Variants in TMED5 observed in about 807,000 individuals in gnomAD.
TMED5 encodes the protein transmembrane p24 trafficking protein 5, also known as transmembrane emp24 domain-containing protein 5.
In TMED5, 27 loss-of-function variants were observed where a neutral mutation model predicts 23.0. That is an observed-to-expected ratio of 1.17 (90% confidence interval 0.86 to 1.62). TMED5 has a LOEUF of 1.62. Among genes scored for constraint, TMED5 ranks in the 40% most tolerant of loss-of-function variants. TMED5 has a pLI of 0.00. For missense variants in TMED5, 248 were observed against 273.7 expected, an observed-to-expected ratio of 0.91 and a Z score of 0.66; for synonymous variants, 97 against 100.8, an observed-to-expected ratio of 0.96 and a Z score of 0.23.
rs772462043 is a variant in TMED5, at chr1:93,154,755, T to G, written c.605A>C (p.Asn202Thr). ...FDRVNFWSMV[N>T]LVVMVVVSAI... Reference sequence around the variant, plus strand: ...TGACACCACCACCATGACCACTAAATTAACCATAGACCAGAAATTGACTCT... The same window carrying G: ...TGACACCACCACCATGACCACTAAAGTAACCATAGACCAGAAATTGACTCT... The change falls in exon 4 of 4, where the codon AAT (asparagine) becomes ACT (threonine). Residue 202 changes from asparagine (N) to threonine (T), a missense_variant. Coordinates refer to ENST00000370282, the MANE Select transcript of TMED5 (RefSeq NM_016040.5). 6.2e-7 allele frequency: 1 copy of G among 1,614,140 alleles called. No homozygotes were observed. Among genetic ancestry groups the G allele is most frequent in the Non-Finnish European group, 8.5e-7 (1 of 1,179,994 alleles).
At chr1:93,174,992 C>T (rs1250999219) in intron 1 of TMED5, among the ~76,000 whole-genome samples, 9 of 149,106 alleles carry the variant, frequency 6.0e-5, no homozygotes, top group Non-Finnish European at 1.5e-5. Context: ...TTATATTCCT[C>T]TGGGTGTGTA....
chr1:93,154,851 C>A lies in TMED5; in HGVS notation c.509G>T (p.Ser170Ile). ...TCTAAGCAGAGTTTGTATGTGCCCA[C>A]TTTTGCTTAGTCTGGACTTGATGCT... is the stretch of plus-strand genomic sequence containing the variant. ...INSIKSRLSKSGHIQTLLRAF... is the reference protein window; with the variant it reads ...INSIKSRLSKIGHIQTLLRAF... Residue 170 changes from serine to isoleucine, a missense_variant, in exon 4 of 4, where the codon AGT becomes ATT. By Grantham distance (142) the Ser-to-Ile change is moderately radical. Coordinates refer to ENST00000370282, the MANE Select transcript of TMED5 (RefSeq NM_016040.5). The A allele has an allele frequency of 6.2e-7, 1 of 1,613,850 alleles. No homozygotes were observed. The highest frequency in any genetic ancestry group is 1.1e-5 in the South Asian group (1 of 91,066).
intron 1 of TMED5, among the ~76,000 whole-genome samples, chr1:93,175,892 G>A (rs1319198760): frequency 1.3e-5 from 2 of 152,044 alleles, no homozygotes; most frequent in African/African-American, 4.8e-5. Flanking sequence ...TTTTTTGAGT[G>A]CTTATTTGGT....
chr1:93,152,087 T>C lies in TMED5; in HGVS notation c.*2583A>G, dbSNP rs189783057. On this transcript the variant is annotated 3_prime_UTR_variant, in exon 4 of 4. Transcript: ENST00000370282. ...TTTTGTCAATTTTAAGACACCATTA[T>C]GTGTAAGAAGGATTAATTTTACCAT... 205 of 152,756 alleles carry C rather than the reference T, an allele frequency of 1.3e-3. 1 individual carries two copies. The Middle Eastern group carries it at 0.017, about 13-fold the overall frequency. The allele number at this position is 152,756 out of a possible 1,614,324, so 9.5% of individuals were successfully genotyped here.
chr1:93,155,551 T>TC (rs1648043455), intron 3 of TMED5, among the ~76,000 whole-genome samples: 1 of 139,738 alleles, frequency 7.2e-6, no homozygotes, highest in Non-Finnish European at 1.5e-5. Flanking sequence ...TTTTTTTTTT[T>TC]TGTCGGGGGA....
Position 93,153,189 on chromosome 1 carries a change from T to C in TMED5, c.*1481A>G, listed in dbSNP as rs1350766339. ...TAACTTAAAAATTATAGTTCATTCA[T>C]GATGAAGTTAAATTACTAGTACTTG... On this transcript the variant is annotated 3_prime_UTR_variant, in exon 4 of 4. Transcript: ENST00000370282. 6.6e-6 allele frequency: 1 copy of C among 152,560 alleles called. No homozygotes were observed. Among genetic ancestry groups the C allele is most frequent in the Admixed American group, 6.5e-5 (1 of 15,274 alleles). 9.5% of individuals were successfully genotyped at this position (152,560 alleles called of 1,614,324 possible).
intron 1 of TMED5, among the ~76,000 whole-genome samples, chr1:93,175,250 CAT>C (rs1158955730): frequency 1.4e-5 from 2 of 140,506 alleles, no homozygotes; most frequent in Non-Finnish European, 3.0e-5. Context: ...TATCTTGGCA[CAT>C]GTTGTGCCTT....
At chr1:93,165,361 AATAG>A (rs1345658220) in intron 1 of TMED5, among the ~76,000 whole-genome samples, 4 of 152,214 alleles carry the variant, frequency 2.6e-5, no homozygotes, top group Non-Finnish European at 5.9e-5. Flanking sequence ...TAATCTAATA[AATAG>A]ATCATTGTTC....
chr1:93,161,934 T>C (rs1227171975), intron 1 of TMED5: 2 of 152,236 alleles, frequency 1.3e-5, no homozygotes, highest in African/African-American at 4.8e-5. Flanking sequence ...TGCATCTTTT[T>C]ATCATCCTAT....
chr1:93,159,485 T>C (rs901250914), intron 2 of TMED5, among the ~76,000 whole-genome samples: 2 of 151,850 alleles, frequency 1.3e-5, no homozygotes, highest in Admixed American at 1.3e-4. Flanking sequence ...AGTAAGATAA[T>C]AGAATGGAAC....
intron 1 of TMED5, among the ~76,000 whole-genome samples, chr1:93,176,080 G>A (rs1648900639): frequency 6.6e-6 from 1 of 152,098 alleles, no homozygotes; most frequent in Non-Finnish European, 1.5e-5. Flanking sequence ...ACTATTCAGT[G>A]GCGTATTACT....
At chr1:93,178,246 T>C (rs940007077) in intron 1 of TMED5, among the ~76,000 whole-genome samples, 12 of 152,212 alleles carry the variant, frequency 7.9e-5, no homozygotes, top group Non-Finnish European at 1.5e-5. Context: ...AGACTTTATA[T>C]GTCTTAAAGT....
chr1:93,171,070 C>T (rs1343153100), intron 1 of TMED5, among the ~76,000 whole-genome samples: 1 of 152,182 alleles, frequency 6.6e-6, no homozygotes, highest in African/African-American at 2.4e-5. Flanking sequence ...AATCTTGCTG[C>T]TGCTCACTCT....
At chr1:93,157,236 G>A (rs1648105472) in intron 2 of TMED5, among the ~76,000 whole-genome samples, 1 of 152,034 alleles carries the variant, frequency 6.6e-6, no homozygotes, top group Admixed American at 6.6e-5. Context: ...CCTATTAACT[G>A]CCACTGGCTC....
intron 3 of TMED5, chr1:93,156,013 GC>G: frequency 7.6e-7 from 1 of 1,313,950 alleles, no homozygotes; most frequent in Non-Finnish European, 1.0e-6. Context: ...AATTCTAACT[GC>G]ACATTTATAA....
At chr1:93,159,094 A>G (rs1648178896) in intron 2 of TMED5, among the ~76,000 whole-genome samples, 1 of 152,128 alleles carries the variant, frequency 6.6e-6, no homozygotes, top group Admixed American at 6.5e-5. Context: ...ACATGTATTC[A>G]GTGTTTACTG....
At chr1:93,162,118 T>G (rs1021997363) in intron 1 of TMED5, 2 of 151,514 alleles carry the variant, frequency 1.3e-5, no homozygotes, top group Non-Finnish European at 1.5e-5. Context: ...AAAAAAAACC[T>G]AACTCAATGG....
chr1:93,165,344 A>G (rs1215690496), intron 1 of TMED5, among the ~76,000 whole-genome samples: 1 of 152,212 alleles, frequency 6.6e-6, no homozygotes, highest in African/African-American at 2.4e-5. Flanking sequence ...ACAATCTTTT[A>G]TTTTTTTAAT....
At chr1:93,171,326 C>T (rs1449824601) in intron 1 of TMED5, among the ~76,000 whole-genome samples, 1 of 152,218 alleles carries the variant, frequency 6.6e-6, no homozygotes, top group Non-Finnish European at 1.5e-5. Context: ...TCCGGACACG[C>T]TGCCTTTAAG....
Sources: allele counts gnomAD v4.1 joint callset (sites outside exome capture counted in the v4.1 genomes callset), GRCh38; gene constraint gnomAD v4.1.1; transcripts MANE v1.5; gene names NCBI Gene and HGNC (gene_info 2026-07-23, HGNC 2026-07-21).